The following TBK1 variants were observed in gnomAD, a reference collection of about 807,000 sequenced individuals.
The protein encoded by TBK1 is TANK binding kinase 1.
Under a neutral mutation model 99.9 loss-of-function variants are expected in TBK1, and 37 were observed. The observed-to-expected ratio is 0.37, with a 90% CI of 0.28 to 0.49. TBK1 has a LOEUF of 0.49. Ranked by LOEUF, TBK1 falls within the 20% of genes least tolerant of loss-of-function variation. The probability of loss-of-function intolerance (pLI) is 0.98; values close to 1 mark genes in which losing one functional copy is unlikely to be tolerated. For synonymous variants in TBK1, 258 were observed against 279.8 expected, an observed-to-expected ratio of 0.92 and a Z score of 0.78; for missense variants, 644 against 872.5, an observed-to-expected ratio of 0.74 and a Z score of 3.30.
chr12:64,486,087 C>G, intron 11 of TBK1, 70 bp downstream of exon 11: 3 of 1,049,458 alleles, frequency 2.9e-6, no homozygotes, highest in Non-Finnish European at 4.1e-6. Flanking sequence ...TATTTTCTCT[C>G]TTCAAACTAG....
rs919601642 is a variant in TBK1 at position 64,483,861 on chromosome 12, G to T, written c.993-442G>T. On this transcript the variant is annotated intron_variant, in intron 8 of 20. Coordinates refer to ENST00000331710, the MANE Select transcript of TBK1 (RefSeq NM_013254.4). ...GTCTCTATTAAAAATACAAAAATCA[G>T]CTGGGTGTGGTGGTGCATGTTTGTA... 3.9e-5 allele frequency among the ~76,000 whole-genome samples: 6 copies of T among 152,208 alleles called. No individual in the cohort carries two copies. The South Asian group carries it at 1.0e-3, about 26-fold the overall frequency.
intron 11 of TBK1, among the ~76,000 whole-genome samples, chr12:64,486,359 A>G (rs1235884717): frequency 6.6e-6 from 1 of 152,160 alleles, no homozygotes; most frequent in East Asian, 1.9e-4. Context: ...ACTTTCTAGC[A>G]TTTAAGTCCT....
intron 5 of TBK1, among the ~76,000 whole-genome samples, chr12:64,468,310 TG>T (rs2040626386): frequency 6.7e-6 from 1 of 149,530 alleles, no homozygotes; most frequent in Non-Finnish European, 1.5e-5. Flanking sequence ...CTGAGCAACA[TG>T]GTGAAACCCC....
rs538456634 is a variant in TBK1, at chr12:64,484,710, C to T, written c.1189+211C>T. 1.7e-3 allele frequency among the ~76,000 whole-genome samples: 256 copies of T among 152,180 alleles called. 1 individual carries two copies. Among genetic ancestry groups the T allele is most frequent in the Non-Finnish European group, 3.1e-4 (21 of 68,002 alleles). On this transcript the variant is annotated intron_variant, in intron 9 of 20. Coordinates refer to ENST00000331710, the MANE Select transcript of TBK1 (RefSeq NM_013254.4). ...GAGGTTGCAGTAAGCCGAGATTGCA[C>T]CACTGCACTCCAGCCTGGGAGACAG...
chr12:64,497,292 C>A, intron 18 of TBK1, 33 bp downstream of exon 18: 1 of 1,434,784 alleles, frequency 7.0e-7, no homozygotes, highest in Non-Finnish European at 9.4e-7. Flanking sequence ...AATTAAAATT[C>A]TTCTCAGTTT....
In TBK1 at chr12:64,488,583, G is replaced by C. The variant is rs1169928239; in HGVS notation, c.1437G>C (p.Val479=). 2 of 1,588,378 alleles carry C rather than the reference G, an allele frequency of 1.3e-6. No homozygotes were observed. Among genetic ancestry groups the C allele is most frequent in the Non-Finnish European group, 1.7e-6 (2 of 1,165,934 alleles). ...DFCIRNIEKT[V]KVYEKLMKIN... Reference sequence around the variant, plus strand: ...GTATCAGAAACATTGAAAAAACTGTGAAAGTGTGAGTAGACTACTTCCTTA... The same window carrying C: ...GTATCAGAAACATTGAAAAAACTGTCAAAGTGTGAGTAGACTACTTCCTTA... Residue 479 remains valine (V), a synonymous_variant, in exon 12 of 21, where the codon GTG becomes GTC. Transcript: ENST00000331710.
chr12:64,484,199 A>AT, intron 8 of TBK1, 104 bp from the exon 9 acceptor site: 1 of 736,946 alleles, frequency 1.4e-6, no homozygotes, highest in Non-Finnish European at 2.2e-6. Context: ...TGGTTATGAT[A>AT]TTAGGGATAT....
intron 2 of TBK1, among the ~76,000 whole-genome samples, chr12:64,459,821 C>T (rs1256766413): frequency 6.6e-6 from 1 of 152,064 alleles, no homozygotes; most frequent in East Asian, 1.9e-4. Context: ...TTGGAGAAGC[C>T]CTTATGAGTT....
intron 13 of TBK1, among the ~76,000 whole-genome samples, chr12:64,494,811 ATCCTTATTTG>A (rs1229235982): frequency 6.6e-6 from 1 of 152,238 alleles, no homozygotes; most frequent in African/African-American, 2.4e-5. Flanking sequence ...TTTAAAGGGC[ATCCTTATTTG>A]TTGCTAGTGG....
chr12:64,462,196 G>C lies in TBK1; in HGVS notation c.228+1867G>C, dbSNP rs563299679. Among the ~76,000 whole-genome samples, 9 of 152,316 alleles carry C rather than the reference G, an allele frequency of 5.9e-5. No individual in the cohort carries two copies. In the South Asian group the frequency reaches 1.9e-3, roughly 32 times the overall value. On this transcript the variant is annotated intron_variant, in intron 3 of 20. Coordinates refer to ENST00000331710, the MANE Select transcript of TBK1 (RefSeq NM_013254.4). ...CCAGAGGAACAAAGACAGAAGTCTT[G>C]TTCTTTCAGATAGGACATTTTAGGG...
intron 13 of TBK1, among the ~76,000 whole-genome samples, chr12:64,493,425 G>A (rs565868403): frequency 4.6e-5 from 7 of 151,684 alleles, no homozygotes; most frequent in South Asian, 2.1e-4. Flanking sequence ...CCAGGAGTTC[G>A]AGACCAGCCT....
intron 11 of TBK1, among the ~76,000 whole-genome samples, chr12:64,486,764 T>A (rs140149194): frequency 6.6e-6 from 1 of 152,288 alleles, no homozygotes; most frequent in East Asian, 1.9e-4. Context: ...ACTCATGCAT[T>A]TAAGCATACA....
intron 8 of TBK1, among the ~76,000 whole-genome samples, chr12:64,483,681 C>T (rs151189183): frequency 2.0e-5 from 3 of 152,226 alleles, no homozygotes; most frequent in East Asian, 3.9e-4. Context: ...TGCTCTAAAC[C>T]GCTCTGCTAT....
At chr12:64,458,982 G>A (rs1315700547) in intron 2 of TBK1, among the ~76,000 whole-genome samples, 1 of 152,164 alleles carries the variant, frequency 6.6e-6, no homozygotes, top group Admixed American at 6.5e-5. Context: ...CAGGGTGAGG[G>A]GAATCACATA....
At chr12:64,482,978 C>T (rs2040782609) in intron 8 of TBK1, among the ~76,000 whole-genome samples, 1 of 152,142 alleles carries the variant, frequency 6.6e-6, no homozygotes, top group Non-Finnish European at 1.5e-5. Flanking sequence ...TTGCTATATG[C>T]AGGATGCCAC....
intron 1 of TBK1, among the ~76,000 whole-genome samples, chr12:64,454,555 G>A (rs548137526): frequency 3.1e-4 from 47 of 150,158 alleles, no homozygotes; most frequent in South Asian, 8.6e-4. Context: ...CTGAGAAATA[G>A]ATGTTTCTTT....
rs560714640 is a variant in TBK1, at chr12:64,498,150, G to A, written c.2138+111G>A. The A allele has an allele frequency of 3.0e-5, 26 of 862,062 alleles. No individual in the cohort carries two copies. The South Asian group carries it at 4.2e-4, about 14-fold the overall frequency. 53.4% of individuals were successfully genotyped at this position (862,062 alleles called of 1,614,324 possible). On this transcript the variant is annotated intron_variant, in intron 20 of 20. Transcript: ENST00000331710. ...TTCAGCAGTGGTAAAGGGTCATAAA[G>A]TCAGAACTCATGTTTTTCTCTCTAT...
intron 6 of TBK1, among the ~76,000 whole-genome samples, chr12:64,476,914 C>T (rs1041024019): frequency 9.9e-5 from 15 of 152,078 alleles, no homozygotes; most frequent in African/African-American, 3.1e-4. Flanking sequence ...CACCATTTTT[C>T]GAATAGGGTA....
At chr12:64,457,567 T>G (rs2040502877) in intron 2 of TBK1, among the ~76,000 whole-genome samples, 1 of 152,336 alleles carries the variant, frequency 6.6e-6, no homozygotes, top group South Asian at 2.1e-4. Context: ...AATGTGCGGT[T>G]AGCTATACTG....
Sources: allele counts gnomAD v4.1 joint callset (sites outside exome capture counted in the v4.1 genomes callset), GRCh38; gene constraint gnomAD v4.1.1; transcripts MANE v1.5; gene names NCBI Gene and HGNC (gene_info 2026-07-23, HGNC 2026-07-21).